SEPHS1: variants seen among roughly 807,000 people sequenced by gnomAD.
SEPHS1 encodes zincore component SEPHS1.
A neutral mutation model predicts 39.2 loss-of-function variants in SEPHS1; 7 were observed. The ratio of observed to expected loss-of-function variants is 0.18; its 90% CI spans 0.10 to 0.34. The LOEUF (loss-of-function observed/expected upper bound fraction) is 0.34. Among genes scored for constraint, SEPHS1 ranks in the 10% least tolerant of loss-of-function variants. SEPHS1 has a pLI of 1.00. For synonymous variants in SEPHS1, 190 were observed against 195.5 expected (o/e 0.97, Z 0.23); for missense variants, 253 against 514.5 (o/e 0.49, Z 4.92).
intron 1 of SEPHS1, among the ~76,000 whole-genome samples, chr10:13,347,572 G>A (rs1296260361): frequency 6.8e-6 from 1 of 147,062 alleles, no homozygotes; most frequent in Non-Finnish European, 1.5e-5. Context: ...CACCCGCCCC[G>A]GGTCGACAGG....
intron 8 of SEPHS1, among the ~76,000 whole-genome samples, chr10:13,321,788 G>A (rs1833126178): frequency 6.6e-6 from 1 of 152,236 alleles, no homozygotes; most frequent in Non-Finnish European, 1.5e-5. Flanking sequence ...GCTGTGGGTG[G>A]CGGCCTCGGC....
intron 2 of SEPHS1, among the ~76,000 whole-genome samples, chr10:13,342,960 C>A (rs1833837381): frequency 6.6e-6 from 1 of 152,048 alleles, no homozygotes; most frequent in Non-Finnish European, 1.5e-5. Context: ...GTCTTGAACT[C>A]CTGACCTTGA....
chr10:13,326,544 C>A (rs1313219889), intron 7 of SEPHS1, among the ~76,000 whole-genome samples: 1 of 145,296 alleles, frequency 6.9e-6, no homozygotes, highest in Non-Finnish European at 1.5e-5. Context: ...TTCCTCTGAT[C>A]TATAACTTTT....
intron 3 of SEPHS1, 67 bp downstream of exon 3, chr10:13,338,638 C>G: frequency 7.8e-7 from 1 of 1,289,170 alleles, no homozygotes; most frequent in Non-Finnish European, 1.1e-6. Context: ...CATACAAAAC[C>G]CCAGCCACAA....
chr10:13,338,623 A>G (rs1417298400), intron 3 of SEPHS1, 82 bp downstream of exon 3: 5 of 1,080,844 alleles, frequency 4.6e-6, no homozygotes, highest in South Asian at 3.8e-5. Flanking sequence ...AAAACCCCAC[A>G]GATACATACA....
At chr10:13,342,264 C>A (rs1466664147) in intron 2 of SEPHS1, among the ~76,000 whole-genome samples, 2 of 129,790 alleles carry the variant, frequency 1.5e-5, no homozygotes, top group African/African-American at 3.7e-5. Flanking sequence ...GAGACTCCGT[C>A]TCAAAAAAAA....
At chr10:13,331,621 G>A (rs760180157) in intron 5 of SEPHS1, among the ~76,000 whole-genome samples, 8 of 152,162 alleles carry the variant, frequency 5.3e-5, no homozygotes, top group Non-Finnish European at 1.0e-4. Flanking sequence ...GACCTCAGAT[G>A]ATCCACCCGT....
At chr10:13,322,001 A>G (rs1045401532) in intron 8 of SEPHS1, 2 of 453,460 alleles carry the variant, frequency 4.4e-6, no homozygotes, top group African/African-American at 4.0e-5. Flanking sequence ...GGCTCTCTCT[A>G]CCTACGCTTG....
intron 6 of SEPHS1, 85 bp from the exon 7 acceptor site, chr10:13,328,535 T>C (rs758185673): frequency 4.6e-5 from 42 of 915,796 alleles, no homozygotes; most frequent in Non-Finnish European, 7.2e-5. Flanking sequence ...AAACAGCAAC[T>C]TTTTCTTATT....
rs1832992056 is a variant in SEPHS1 at position 13,317,927 on chromosome 10, A to T, written c.*1215T>A. On this transcript the variant is annotated 3_prime_UTR_variant, in exon 9 of 9. Coordinates refer to ENST00000327347, the MANE Select transcript of SEPHS1 (RefSeq NM_012247.5). ...GATTGCCTATTTATTCTAGAACTAC[A>T]AAATTTAATTCAAGAAAATATAGGT... 6.6e-6 allele frequency: 1 copy of T among 152,224 alleles called. No individual in the cohort carries two copies. The highest frequency in any genetic ancestry group is 2.4e-5 in the African/African-American group (1 of 41,446). The allele number at this position is 152,224 out of a possible 1,614,324, so 9.4% of individuals were successfully genotyped here.
chr10:13,347,646 G>C (rs1833966398), intron 1 of SEPHS1, among the ~76,000 whole-genome samples: 1 of 146,984 alleles, frequency 6.8e-6, no homozygotes, highest in Non-Finnish European at 1.5e-5. Context: ...CAGGCCGGCC[G>C]CTCCCGCCGC....
chr10:13,329,603 T>G, intron 6 of SEPHS1, 95 bp downstream of exon 6: 1 of 875,590 alleles, frequency 1.1e-6, no homozygotes, highest in South Asian at 1.5e-5. Context: ...TCCCTGGATA[T>G]GAAACTAAAA....
At chr10:13,334,994 G>A (rs1317737770) in intron 4 of SEPHS1, among the ~76,000 whole-genome samples, 3 of 152,190 alleles carry the variant, frequency 2.0e-5, no homozygotes, top group Admixed American at 6.5e-5. Context: ...CACACTGACA[G>A]AGCCTGCGCC....
intron 1 of SEPHS1, among the ~76,000 whole-genome samples, chr10:13,346,903 G>A (rs1255733450): frequency 2.0e-5 from 3 of 152,050 alleles, no homozygotes; most frequent in African/African-American, 7.2e-5. Context: ...CCTTGTATCA[G>A]GAAGGCGCTC....
At chr10:13,335,980 CAAAA>C (rs1266329760) in intron 4 of SEPHS1, among the ~76,000 whole-genome samples, 1 of 93,454 alleles carries the variant, frequency 1.1e-5, no homozygotes. Context: ...ACTCCTGTCT[CAAAA>C]AAAAAAAAAA....
At chr10:13,342,136 G>T (rs993160255) in intron 2 of SEPHS1, among the ~76,000 whole-genome samples, 16 of 151,340 alleles carry the variant, frequency 1.1e-4, no homozygotes, top group Non-Finnish European at 1.6e-4. Context: ...GCATGGTGGC[G>T]GGCGCCTGTA....
intron 3 of SEPHS1, 109 bp from the exon 4 acceptor site, chr10:13,336,459 T>C: frequency 1.3e-6 from 1 of 768,870 alleles, no homozygotes; most frequent in Non-Finnish European, 2.3e-6. Context: ...TTTCCAGGAG[T>C]AGCAGCTACT....
chr10:13,325,004 T>G (rs1833224168), intron 7 of SEPHS1, among the ~76,000 whole-genome samples: 2 of 152,210 alleles, frequency 1.3e-5, no homozygotes, highest in African/African-American at 4.8e-5. Flanking sequence ...CATGTTTAAA[T>G]TGAGTTGTTT....
intron 3 of SEPHS1, among the ~76,000 whole-genome samples, chr10:13,337,088 T>C (rs1169757204): frequency 6.6e-6 from 1 of 151,864 alleles, no homozygotes; most frequent in Non-Finnish European, 1.5e-5. Flanking sequence ...GAGGTGGAGG[T>C]TGCAGTAAGC....
Sources: allele counts gnomAD v4.1 joint callset (sites outside exome capture counted in the v4.1 genomes callset), GRCh38; gene constraint gnomAD v4.1.1; transcripts MANE v1.5; gene names NCBI Gene and HGNC (gene_info 2026-07-23, HGNC 2026-07-21).